CDH18: variants seen among roughly 807,000 people sequenced by gnomAD.
CDH18 encodes the protein cadherin 18, also known as cadherin-18.
In CDH18, 31 loss-of-function variants were observed where a neutral mutation model predicts 67.9. The observed-to-expected ratio is 0.46, with a 90% confidence interval of 0.34 to 0.62. CDH18 has a LOEUF of 0.62. Ranked by LOEUF, CDH18 falls within the 20% of genes least tolerant of loss-of-function variation. The probability of loss-of-function intolerance (pLI) is 0.01; values close to 1 mark genes in which losing one functional copy is unlikely to be tolerated. For synonymous variants in CDH18, 362 were observed against 347.2 expected, an observed-to-expected ratio of 1.04 and a Z score of -0.48; for missense variants, 890 against 975.5, an observed-to-expected ratio of 0.91 and a Z score of 1.17.
At chr5:20,466,494 A>T (rs940635119) in intron 1 of CDH18, among the ~76,000 whole-genome samples, 6 of 152,008 alleles carry the variant, frequency 3.9e-5, no homozygotes, top group African/African-American at 1.4e-4. Context: ...TAATGTTTAC[A>T]ACTAACAAAT....
chr5:20,185,740 C>G (rs1273070949), intron 2 of CDH18, among the ~76,000 whole-genome samples: 1 of 152,060 alleles, frequency 6.6e-6, no homozygotes, highest in Non-Finnish European at 1.5e-5. Context: ...CCATACTTCT[C>G]TACCTTATAT....
chr5:19,696,151 G>A (rs1042488215), intron 5 of CDH18, among the ~76,000 whole-genome samples: 1 of 151,566 alleles, frequency 6.6e-6, no homozygotes, highest in Admixed American at 6.6e-5. Context: ...AGAGAATATG[G>A]GTATATTATG....
At chr5:20,516,694 T>G (rs1479202559) in intron 1 of CDH18, among the ~76,000 whole-genome samples, 1 of 151,896 alleles carries the variant, frequency 6.6e-6, no homozygotes, top group African/African-American at 2.4e-5. Flanking sequence ...TACTAGATTG[T>G]TAGAAAATTA....
chr5:20,327,827 C>T (rs1016492529), intron 1 of CDH18, among the ~76,000 whole-genome samples: 7 of 151,826 alleles, frequency 4.6e-5, no homozygotes, highest in East Asian at 1.9e-4. Flanking sequence ...CACTAGAGGC[C>T]GGGAGTTCAA....
intron 2 of CDH18, among the ~76,000 whole-genome samples, chr5:19,887,083 G>GT (rs1207424300): frequency 6.6e-6 from 1 of 151,614 alleles, no homozygotes; most frequent in Non-Finnish European, 1.5e-5. Context: ...GTGCCCACAT[G>GT]TATATGCATT....
chr5:20,573,194 C>A (rs1346964578), intron 1 of CDH18, among the ~76,000 whole-genome samples: 1 of 151,878 alleles, frequency 6.6e-6, no homozygotes, highest in South Asian at 2.1e-4. Context: ...AGAAGAATGT[C>A]CTAGTGCAAG....
intron 2 of CDH18, among the ~76,000 whole-genome samples, chr5:20,020,851 T>A (rs1023819369): frequency 6.6e-6 from 1 of 152,110 alleles, no homozygotes; most frequent in Non-Finnish European, 1.5e-5. Context: ...AGTGTAGCTA[T>A]GAGAAGAAGA....
chr5:20,266,157 A>T (rs1364886921), intron 1 of CDH18, among the ~76,000 whole-genome samples: 1 of 152,166 alleles, frequency 6.6e-6, no homozygotes, highest in East Asian at 1.9e-4. Context: ...CAACTTGCCA[A>T]TGTTAGATTG....
intron 5 of CDH18, among the ~76,000 whole-genome samples, chr5:19,675,684 A>T (rs4133813): frequency 0.033 from 4,999 of 152,074 alleles, 269 homozygotes; most frequent in African/African-American, 0.11. Context: ...TGTGCATTTA[A>T]CACAATCATC....
chr5:19,748,133 AG>A lies in CDH18; in HGVS notation c.229-898del, dbSNP rs199743623. Among the ~76,000 whole-genome samples the A allele has an allele frequency of 6.4e-4, 92 of 142,992 alleles. 28 individuals carry two copies. Among genetic ancestry groups the A allele is most frequent in the Admixed American group, 9.8e-4 (14 of 14,224 alleles). 93.8% of individuals were successfully genotyped at this position (142,992 alleles called of 152,430 possible). The stretch of plus-strand genomic sequence containing the variant: ...ATCTCAAAAAAAAAAAAAAAAAAAA[AG>A]AGTACTTTTTTAGGGATAGAGTATT... On this transcript the variant is annotated intron_variant, in intron 3 of 12. Transcript: ENST00000382275.
At chr5:19,945,229 A>C (rs1365041215) in intron 2 of CDH18, among the ~76,000 whole-genome samples, 1 of 152,128 alleles carries the variant, frequency 6.6e-6, no homozygotes, top group Admixed American at 6.6e-5. Flanking sequence ...TCCAGGAGGT[A>C]GCTCAGGAAA....
intron 8 of CDH18, among the ~76,000 whole-genome samples, chr5:19,555,599 C>G (rs980793581): frequency 2.0e-5 from 3 of 152,190 alleles, no homozygotes; most frequent in Non-Finnish European, 4.4e-5. Flanking sequence ...ACATCCCCAT[C>G]CTCCACAGCA....
intron 1 of CDH18, among the ~76,000 whole-genome samples, chr5:20,521,808 T>TACACACACACACAC (rs111371227): frequency 2.7e-5 from 4 of 149,884 alleles, no homozygotes; most frequent in African/African-American, 9.8e-5. Flanking sequence ...CACACACACA[T>TACACACACACACAC]ACACACACAC....
chr5:20,459,287 T>A (rs760252319), intron 1 of CDH18, among the ~76,000 whole-genome samples: 28 of 152,332 alleles, frequency 1.8e-4, no homozygotes, highest in African/African-American at 2.9e-4. Flanking sequence ...TATTTTTATG[T>A]TTCCTGTGGC....
At chr5:20,331,103 G>A (rs1219394604) in intron 1 of CDH18, among the ~76,000 whole-genome samples, 1 of 152,176 alleles carries the variant, frequency 6.6e-6, no homozygotes, top group African/African-American at 2.4e-5. Context: ...TAAGAATTAA[G>A]AATGGGGATA....
At chr5:19,686,202 G>T (rs934698817) in intron 5 of CDH18, among the ~76,000 whole-genome samples, 1 of 151,840 alleles carries the variant, frequency 6.6e-6, no homozygotes, top group African/African-American at 2.4e-5. Context: ...AAAATCATAG[G>T]ACTTATGGGA....
intron 4 of CDH18, among the ~76,000 whole-genome samples, chr5:19,725,567 T>C (rs189773961): frequency 9.2e-5 from 14 of 152,236 alleles, no homozygotes; most frequent in African/African-American, 3.4e-4. Flanking sequence ...GTTGGTGATT[T>C]GAGACCAGCC....
At chr5:20,561,865 ATTAAT>A (rs199609921) in intron 1 of CDH18, among the ~76,000 whole-genome samples, 1,864 of 152,068 alleles carry the variant, frequency 0.012, 15 homozygotes, top group Non-Finnish European at 0.018. Flanking sequence ...TGTCTTCATT[ATTAAT>A]TTATTTCAGT....
intron 2 of CDH18, among the ~76,000 whole-genome samples, chr5:20,107,295 C>T (rs910703762): frequency 2.0e-5 from 3 of 151,750 alleles, no homozygotes; most frequent in African/African-American, 4.8e-5. Flanking sequence ...AGGATGGTGT[C>T]GATCTCCTTA....
Sources: allele counts gnomAD v4.1 joint callset (sites outside exome capture counted in the v4.1 genomes callset), GRCh38; gene constraint gnomAD v4.1.1; transcripts MANE v1.5; gene names NCBI Gene and HGNC (gene_info 2026-07-23, HGNC 2026-07-21).